Variants in KALRN observed in about 807,000 individuals in gnomAD.
KALRN encodes kalirin.
In KALRN, 70 loss-of-function variants were observed where a neutral mutation model predicts 353.7. The observed-to-expected ratio is 0.20, with a 90% CI of 0.16 to 0.24. KALRN has a LOEUF of 0.24. KALRN is among the 10% of genes least tolerant of loss of function. The pLI is 1.00. For synonymous variants in KALRN, 1,391 were observed against 1,434.8 expected, an observed-to-expected ratio of 0.97 and a Z score of 0.69; for missense variants, 2,791 against 3,756.7, an observed-to-expected ratio of 0.74 and a Z score of 6.72.
chr3:124,308,592 A>G (rs2149284305), intron 6 of KALRN, among the ~76,000 whole-genome samples: 1 of 152,156 alleles, frequency 6.6e-6, no homozygotes, highest in South Asian at 2.1e-4. Flanking sequence ...CAAAATAAAA[A>G]GGAGAATTGG....
chr3:124,717,466 C>G (rs976008047), intron 59 of KALRN, 81 bp downstream of exon 59: 9 of 959,308 alleles, frequency 9.4e-6, no homozygotes, highest in Admixed American at 2.6e-5. Flanking sequence ...GTGGGCGGAT[C>G]ACAAGGTCAG....
intron 1 of KALRN, among the ~76,000 whole-genome samples, chr3:124,127,452 CT>C (rs1181052638): frequency 1.3e-5 from 2 of 152,304 alleles, no homozygotes; most frequent in Non-Finnish European, 2.9e-5. Flanking sequence ...ATTTACCATT[CT>C]CTGTTACCCC....
chr3:124,570,209 A>C (rs2110036425), intron 34 of KALRN, among the ~76,000 whole-genome samples: 1 of 152,302 alleles, frequency 6.6e-6, no homozygotes, highest in African/African-American at 2.4e-5. Flanking sequence ...TCACTATGGG[A>C]GGCTAAAAAA....
At chr3:124,187,321 AC>A (rs1453259140) in intron 1 of KALRN, among the ~76,000 whole-genome samples, 1 of 152,112 alleles carries the variant, frequency 6.6e-6, no homozygotes, top group Non-Finnish European at 1.5e-5. Flanking sequence ...ACCTCAGGTG[AC>A]CCACCTGCCT....
At chr3:124,183,252 G>T (rs1229522520) in intron 1 of KALRN, among the ~76,000 whole-genome samples, 1 of 152,150 alleles carries the variant, frequency 6.6e-6, no homozygotes, top group Non-Finnish European at 1.5e-5. Flanking sequence ...TAATTTATAA[G>T]AAAGGAGGTT....
intron 10 of KALRN, among the ~76,000 whole-genome samples, chr3:124,358,050 T>C (rs1280153167): frequency 1.3e-5 from 2 of 152,184 alleles, no homozygotes; most frequent in Non-Finnish European, 2.9e-5. Flanking sequence ...ACTCTCCTGA[T>C]AGAATTAGCA....
intron 9 of KALRN, among the ~76,000 whole-genome samples, chr3:124,341,754 TGA>T (rs1159743301): frequency 2.0e-5 from 3 of 152,118 alleles, no homozygotes; most frequent in African/African-American, 7.2e-5. Context: ...GAGTCTAGTG[TGA>T]GAGACAGGCC....
At position 124,570,391 on chromosome 3, in the gene KALRN, G is replaced by C. The variant is rs1316397320; in HGVS notation, c.5182+7302G>C. Among the ~76,000 whole-genome samples the C allele has an allele frequency of 2.0e-5, 3 of 152,178 alleles. No individual in the cohort carries two copies. The South Asian group carries it at 6.2e-4, about 32-fold the overall frequency. On this transcript the variant is annotated intron_variant, in intron 34 of 59. Transcript: ENST00000682506. ...ATTGTACTGGTAATTGACTAGATGT[G>C]AGGTAGTCCTTTGAGATTCAGAACT...
rs1274653192 is a variant in KALRN, at chr3:124,334,504, C to T, written c.1647+9C>T. The stretch of plus-strand genomic sequence containing the variant: ...AGCAGGATGTACAGCAGGTAACAGG[C>T]TCTGAGCCCCGGTGTCCATTATCCA... On this transcript the variant is annotated intron_variant, in intron 9 of 59. Transcript: ENST00000682506. This position sits in a 1 kb window ranked among gnomAD's most constrained non-coding sequence, Gnocchi z 4.2. The T allele has an allele frequency of 6.3e-7, 1 of 1,596,676 alleles. No homozygotes were observed. The highest frequency in any genetic ancestry group is 1.7e-5 in the Admixed American group (1 of 59,268).
chr3:124,369,822 A>G (rs1560710223), intron 10 of KALRN, among the ~76,000 whole-genome samples: 1 of 138,464 alleles, frequency 7.2e-6, no homozygotes, highest in Non-Finnish European at 1.5e-5. Flanking sequence ...TGCTTCTGTG[A>G]GATCAACTTT....
intron 10 of KALRN, among the ~76,000 whole-genome samples, chr3:124,351,472 G>C (rs1273971125): frequency 6.6e-6 from 1 of 152,144 alleles, no homozygotes; most frequent in Non-Finnish European, 1.5e-5. Flanking sequence ...TCTGTATTTA[G>C]GTTCAAAAAA....
intron 59 of KALRN, 43 bp from the exon 60 acceptor site, chr3:124,718,882 T>C (rs762057110): frequency 1.9e-6 from 3 of 1,587,860 alleles, no homozygotes; most frequent in African/African-American, 2.7e-5. Context: ...AATAGAGGCC[T>C]AAACTTCCCT....
At chr3:124,091,030 G>C (rs1341053276) in intron 1 of KALRN, among the ~76,000 whole-genome samples, 1 of 152,216 alleles carries the variant, frequency 6.6e-6, no homozygotes, top group Non-Finnish European at 1.5e-5. Context: ...TCATGGGAGA[G>C]ACTGGCAGGG....
At chr3:124,218,049 CTGCCTGTGAGGGT>C (rs2077516041) in intron 1 of KALRN, among the ~76,000 whole-genome samples, 1 of 152,148 alleles carries the variant, frequency 6.6e-6, no homozygotes, top group African/African-American at 2.4e-5. Context: ...GCTCCAGGAG[CTGCCTGTGAGGGT>C]CCTCTGCCCT....
At chr3:124,462,196 G>T (rs1444343369) in intron 24 of KALRN, among the ~76,000 whole-genome samples, 1 of 152,174 alleles carries the variant, frequency 6.6e-6, no homozygotes, top group Non-Finnish European at 1.5e-5. Context: ...CAAGAAGTGT[G>T]TAAGGCACTT....
At position 124,482,908 on chromosome 3, in the gene KALRN, C is replaced by T. The variant is rs1396981121; in HGVS notation, c.4284+8C>T. 84 of 1,571,882 alleles carry T rather than the reference C, an allele frequency of 5.3e-5. No homozygotes were observed. Among genetic ancestry groups the T allele is most frequent in the Non-Finnish European group, 7.0e-5 (80 of 1,141,504 alleles). On this transcript the variant is annotated splice_region_variant and intron_variant, in intron 28 of 59. Transcript: ENST00000682506. ...TATCAACTGCTCCTGAAGGTACCTC[C>T]CCTCCCCTCTACATCCCCCTCCACT...
chr3:124,585,133 C>A (rs1213686100), intron 34 of KALRN, among the ~76,000 whole-genome samples: 1 of 152,172 alleles, frequency 6.6e-6, no homozygotes, highest in African/African-American at 2.4e-5. Context: ...GACTTGGATG[C>A]GGAGCTGCTG....
chr3:124,260,406 A>C (rs112852790), intron 3 of KALRN, among the ~76,000 whole-genome samples: 1 of 152,142 alleles, frequency 6.6e-6, no homozygotes, highest in East Asian at 1.9e-4. Context: ...CCTACATGGC[A>C]GGGGGACCTC....
rs150534950 is a variant in KALRN at position 124,129,194 on chromosome 3, A to G, written c.73+95381A>G. ...CCGTCATACTCAGGAGCATTAGCAG[A>G]ACGGTGCCCCAGCATCATGGTGGCA... On this transcript the variant is annotated intron_variant, in intron 1 of 59. Coordinates refer to ENST00000682506, the MANE Select transcript of KALRN (RefSeq NM_001388419.1). 2.0e-5 allele frequency among the ~76,000 whole-genome samples: 3 copies of G among 152,284 alleles called. No homozygotes were observed. In the East Asian group the frequency reaches 5.8e-4, roughly 29 times the overall value.
Sources: gnomAD v4.1 joint callset for allele counts (sites outside exome capture counted in the v4.1 genomes callset) on GRCh38, gnomAD v4.1.1 for gene constraint, Gnocchi (gnomAD v3.1) non-coding constraint, MANE v1.5 for transcripts, NCBI Gene and HGNC (gene_info 2026-07-23, HGNC 2026-07-21) for gene names.